The following FMN2 variants were observed in gnomAD, a reference collection of about 807,000 sequenced individuals.
FMN2 encodes formin-2.
A neutral mutation model predicts 142.3 loss-of-function variants in FMN2; 51 were observed. That is an observed-to-expected ratio of 0.36 (90% CI 0.29 to 0.45). FMN2 has a LOEUF of 0.45. FMN2 is among the 20% of genes least tolerant of loss of function. The pLI is 1.00. For missense variants in FMN2, 1,936 were observed against 2,122.8 expected, an observed-to-expected ratio of 0.91 and a Z score of 1.73; for synonymous variants, 882 against 869.8, an observed-to-expected ratio of 1.01 and a Z score of -0.25.
intron 16 of FMN2, among the ~76,000 whole-genome samples, chr1:240,443,219 G>A (rs1476471925): frequency 1.3e-5 from 2 of 149,138 alleles, no homozygotes; most frequent in African/African-American, 2.5e-5. Context: ...GTTTGAAAAT[G>A]TTCATGTAAC....
chr1:240,148,717 G>A (rs1234499516), intron 2 of FMN2, among the ~76,000 whole-genome samples: 1 of 151,826 alleles, frequency 6.6e-6, no homozygotes, highest in Non-Finnish European at 1.5e-5. Context: ...GCAGTGGCTC[G>A]CGCCTGTAAT....
At chr1:240,224,170 T>C (rs1375801527) in intron 6 of FMN2, among the ~76,000 whole-genome samples, 1 of 152,208 alleles carries the variant, frequency 6.6e-6, no homozygotes, top group African/African-American at 2.4e-5. Flanking sequence ...TCCCAGAGAT[T>C]CTGGTACGTT....
At chr1:240,302,232 T>C (rs536244600) in intron 8 of FMN2, among the ~76,000 whole-genome samples, 25 of 152,204 alleles carry the variant, frequency 1.6e-4, no homozygotes, top group Non-Finnish European at 2.5e-4. Context: ...TTTGTTAACA[T>C]TGATAATTTT....
chr1:240,267,306 A>T (rs1378258651), intron 7 of FMN2, among the ~76,000 whole-genome samples: 2 of 144,806 alleles, frequency 1.4e-5, no homozygotes, highest in East Asian at 3.9e-4. Context: ...ATGAAGCCAT[A>T]AAAAAAAATG....
Position 240,474,993 on chromosome 1 carries a change from T to C in FMN2, c.*839T>C, listed in dbSNP as rs900253957. Reference sequence around the variant, plus strand: ...GCAAAGAAACAGTAGTGGTTTTTTTTCTATTGTTTTGTAGTCTTCCTGTCC... The same window carrying C: ...GCAAAGAAACAGTAGTGGTTTTTTTCCTATTGTTTTGTAGTCTTCCTGTCC... On this transcript the variant is annotated 3_prime_UTR_variant, in exon 18 of 18. Coordinates refer to ENST00000319653, the MANE Select transcript of FMN2 (RefSeq NM_020066.5). 2.0e-5 allele frequency: 3 copies of C among 152,588 alleles called. No homozygotes were observed. The highest frequency in any genetic ancestry group is 2.9e-5 in the Non-Finnish European group (2 of 68,016). The allele number at this position is 152,588 out of a possible 1,614,324, so 9.5% of individuals were successfully genotyped here. A position where few individuals can be genotyped will look rare whatever the true frequency, so the allele number is the denominator to read the frequency against.
chr1:240,103,551 C>A (rs1374641054), intron 1 of FMN2, among the ~76,000 whole-genome samples: 3 of 152,196 alleles, frequency 2.0e-5, no homozygotes, highest in African/African-American at 7.2e-5. Flanking sequence ...TTCTTGGATT[C>A]CTCCATCCTT....
At chr1:240,166,260 G>A (rs901716512) in intron 2 of FMN2, among the ~76,000 whole-genome samples, 2 of 151,022 alleles carry the variant, frequency 1.3e-5, no homozygotes, top group Admixed American at 6.6e-5. Context: ...ACAGAGTTTC[G>A]CTCTTGTTGC....
In FMN2 at chr1:240,102,359, T is replaced by C. The variant is rs139725772; in HGVS notation, c.1615+8635T>C. Among the ~76,000 whole-genome samples the C allele has an allele frequency of 6.1e-3, 929 of 152,328 alleles. 3 individuals are homozygous for C. Among genetic ancestry groups the C allele is most frequent in the South Asian group, 0.032 (153 of 4,828 alleles). On this transcript the variant is annotated intron_variant, in intron 1 of 17. Transcript: ENST00000319653. ...TACTCTGTGGAGAGTTTTGTAAGGA[T>C]GCTCTTCATTATTGAGATACAAGGT...
intron 8 of FMN2, among the ~76,000 whole-genome samples, chr1:240,326,936 G>C (rs549017615): frequency 6.6e-6 from 1 of 152,180 alleles, no homozygotes; most frequent in East Asian, 1.9e-4. Context: ...TATTACCTGA[G>C]TCTCTCATTT....
Position 240,100,170 on chromosome 1 carries a change from A to G in FMN2, c.1615+6446A>G, listed in dbSNP as rs145132428. Among the ~76,000 whole-genome samples, 444 of 152,348 alleles carry G rather than the reference A, an allele frequency of 2.9e-3. 2 individuals carry two copies. The highest frequency in any genetic ancestry group is 0.01 in the African/African-American group (418 of 41,588). On this transcript the variant is annotated intron_variant, in intron 1 of 17. Transcript: ENST00000319653. Reference sequence around the variant, plus strand: ...GGTGTGATTGAATCAATGATACTTTATAGAACTTATGTTGATAGAAGAATA... The same window carrying G: ...GGTGTGATTGAATCAATGATACTTTGTAGAACTTATGTTGATAGAAGAATA...
intron 4 of FMN2, among the ~76,000 whole-genome samples, chr1:240,202,074 A>G (rs1295319901): frequency 6.6e-6 from 1 of 152,184 alleles, no homozygotes; most frequent in Non-Finnish European, 1.5e-5. Context: ...TCCTTACCTC[A>G]TTCGACTTTC....
intron 6 of FMN2, among the ~76,000 whole-genome samples, chr1:240,220,667 T>TTGTGTGTG (rs71792127): frequency 1.9e-4 from 29 of 149,094 alleles, no homozygotes; most frequent in South Asian, 2.2e-4. Flanking sequence ...GAGTCTGTGT[T>TTGTGTGTG]TGTGTGTGTG....
intron 2 of FMN2, among the ~76,000 whole-genome samples, chr1:240,161,081 G>A (rs1664255061): frequency 1.3e-5 from 2 of 152,122 alleles, no homozygotes; most frequent in African/African-American, 2.4e-5. Context: ...GAAATGACAA[G>A]TATATGAACA....
intron 8 of FMN2, among the ~76,000 whole-genome samples, chr1:240,314,357 G>A (rs80033291): frequency 0.065 from 9,929 of 152,146 alleles, 409 homozygotes; most frequent in East Asian, 0.12. Context: ...AGGGAGGGTT[G>A]CTGTATTACG....
chr1:240,431,423 T>C (rs377266978), intron 15 of FMN2, among the ~76,000 whole-genome samples: 85 of 130,938 alleles, frequency 6.5e-4, no homozygotes, highest in Admixed American at 1.1e-3. Context: ...TATATATATA[T>C]ACATATATAT....
chr1:240,395,991 T>A (rs1222354386), intron 15 of FMN2, among the ~76,000 whole-genome samples: 1 of 152,204 alleles, frequency 6.6e-6, no homozygotes, highest in Non-Finnish European at 1.5e-5. Context: ...GATTTCATTG[T>A]TGTCTTATTA....
intron 6 of FMN2, chr1:240,245,623 G>A (rs2102875578): frequency 2.1e-6 from 1 of 470,918 alleles, no homozygotes; most frequent in South Asian, 1.5e-5. Flanking sequence ...CTAGCACAAT[G>A]CCTGATGTGT....
intron 16 of FMN2, among the ~76,000 whole-genome samples, chr1:240,460,155 C>T (rs902067402): frequency 1.3e-5 from 2 of 152,188 alleles, no homozygotes; most frequent in African/African-American, 4.8e-5. Context: ...TCCACGACTA[C>T]TTTTGCTTGA....
chr1:240,326,438 T>C (rs1452397819), intron 8 of FMN2, among the ~76,000 whole-genome samples: 2 of 152,204 alleles, frequency 1.3e-5, no homozygotes, highest in African/African-American at 4.8e-5. Flanking sequence ...AGAAAGTCAC[T>C]TTGTTCTGAA....
Sources: gnomAD v4.1 joint callset for allele counts (sites outside exome capture counted in the v4.1 genomes callset) on GRCh38, gnomAD v4.1.1 for gene constraint, MANE v1.5 for transcripts, NCBI Gene and HGNC (gene_info 2026-07-23, HGNC 2026-07-21) for gene names.